Variants in INPP5A observed in about 807,000 individuals in gnomAD.
The protein encoded by INPP5A is 43 kDa inositol polyphosphate 5-phophatase.
A neutral mutation model predicts 65.2 loss-of-function variants in INPP5A; 14 were observed. The ratio of observed to expected loss-of-function variants is 0.21; its 90% confidence interval spans 0.14 to 0.34. The LOEUF (loss-of-function observed/expected upper bound fraction) is 0.34, where lower values mean the gene tolerates loss of function less well. Ranked by LOEUF, INPP5A falls within the 10% of genes least tolerant of loss-of-function variation. The probability of loss-of-function intolerance (pLI) is 1.00; values close to 1 mark genes in which losing one functional copy is unlikely to be tolerated. For missense variants in INPP5A, 431 were observed against 545.6 expected (o/e 0.79, Z 2.09); for synonymous variants, 207 against 208.3 (o/e 0.99, Z 0.05).
At chr10:132,755,577 C>G (rs527981386) in intron 11 of INPP5A, among the ~76,000 whole-genome samples, 68 of 134,284 alleles carry the variant, frequency 5.1e-4, no homozygotes, top group African/African-American at 1.9e-3. Flanking sequence ...CAGGTGTGAG[C>G]GAGTGTGTGT....
chr10:132,649,461 T>A (rs1022200622), intron 3 of INPP5A, among the ~76,000 whole-genome samples: 1 of 152,218 alleles, frequency 6.6e-6, no homozygotes, highest in Non-Finnish European at 1.5e-5. Flanking sequence ...AATGTTACGT[T>A]GTTTAGTGTT....
chr10:132,646,804 G>A (rs990918581), intron 3 of INPP5A, among the ~76,000 whole-genome samples: 10 of 152,158 alleles, frequency 6.6e-5, no homozygotes, highest in East Asian at 1.9e-4. Flanking sequence ...GGCCGACGCC[G>A]CTGCCACACA....
rs1564974880 is a variant in INPP5A at position 132,708,380 on chromosome 10, T to G, written c.527+15T>G. On this transcript the variant is annotated intron_variant, in intron 7 of 15. Transcript: ENST00000368594. ...ATTGCAGACTGGTACGTGGTGTCTGTGCTTTGTCAATTTCCATAACGTTTC... is the reference window on the plus strand; with the variant it reads ...ATTGCAGACTGGTACGTGGTGTCTGGGCTTTGTCAATTTCCATAACGTTTC... 1 of 1,612,554 alleles carries G rather than the reference T, an allele frequency of 6.2e-7. No homozygotes were observed. The highest frequency in any genetic ancestry group is 1.3e-5 in the African/African-American group (1 of 75,032).
intron 9 of INPP5A, among the ~76,000 whole-genome samples, chr10:132,740,788 C>T (rs760268194): frequency 1.3e-5 from 2 of 152,148 alleles, no homozygotes; most frequent in Admixed American, 1.3e-4. Context: ...TTCTTCCTGC[C>T]GTGCCTTTGG....
intron 1 of INPP5A, among the ~76,000 whole-genome samples, chr10:132,569,438 C>T (rs1693348529): frequency 6.6e-6 from 1 of 152,144 alleles, no homozygotes; most frequent in Admixed American, 6.5e-5. Context: ...CTGCAGCCTC[C>T]ACCTCCCTCC....
At position 132,547,070 on chromosome 10, in the gene INPP5A, C is replaced by T. The variant is rs2070984217; in HGVS notation, c.75+8899C>T. ...CCGAGACTTGGCTTTGGCCCAAGTC[C>T]CTGTGGAGAGGAAATCCCGCCTTCA... On this transcript the variant is annotated intron_variant, in intron 1 of 15. Coordinates refer to ENST00000368594, the MANE Select transcript of INPP5A (RefSeq NM_005539.5). This position sits in a 1 kb window ranked among gnomAD's most constrained non-coding sequence, Gnocchi z 5.5. Among the ~76,000 whole-genome samples the T allele has an allele frequency of 6.6e-6, 1 of 152,216 alleles. No homozygotes were observed. The highest frequency in any genetic ancestry group is 6.5e-5 in the Admixed American group (1 of 15,290).
chr10:132,732,796 G>A (rs1485293548), intron 9 of INPP5A, among the ~76,000 whole-genome samples: 1 of 152,152 alleles, frequency 6.6e-6, no homozygotes, highest in African/African-American at 2.4e-5. Flanking sequence ...CCGCAGACAC[G>A]TGCAGGCTCT....
At chr10:132,594,283 A>G (rs1011444600) in intron 1 of INPP5A, among the ~76,000 whole-genome samples, 1 of 152,240 alleles carries the variant, frequency 6.6e-6, no homozygotes, top group African/African-American at 2.4e-5. Flanking sequence ...CTAAAATTAC[A>G]TGCAATAAAA....
intron 9 of INPP5A, among the ~76,000 whole-genome samples, chr10:132,728,516 G>A (rs1477167258): frequency 6.6e-6 from 1 of 152,248 alleles, no homozygotes; most frequent in Non-Finnish European, 1.5e-5. Flanking sequence ...CAAGCCACAG[G>A]GGGCTGGAAG....
At position 132,755,731 on chromosome 10, in the gene INPP5A, C is replaced by G. The variant is rs912950877; in HGVS notation, c.903+5886C>G. 5.3e-5 allele frequency among the ~76,000 whole-genome samples: 8 copies of G among 152,144 alleles called. No individual in the cohort carries two copies. In the South Asian group the frequency reaches 6.2e-4, roughly 12 times the overall value. On this transcript the variant is annotated intron_variant, in intron 11 of 15. Coordinates refer to ENST00000368594, the MANE Select transcript of INPP5A (RefSeq NM_005539.5). ...TTTAGTTAGAAAGTTTAGGCAGACC[C>G]TAGCGGCAGCCGCTGAGGCCTGAGG...
chr10:132,574,598 TTC>T (rs958533164), intron 1 of INPP5A, among the ~76,000 whole-genome samples: 4 of 150,468 alleles, frequency 2.7e-5, no homozygotes, highest in Admixed American at 2.0e-4. Flanking sequence ...GAGGGTGTTT[TTC>T]TCTTTTTTTT....
At chr10:132,605,562 G>A (rs546413882) in intron 1 of INPP5A, among the ~76,000 whole-genome samples, 1 of 152,086 alleles carries the variant, frequency 6.6e-6, no homozygotes, top group East Asian at 1.9e-4. Flanking sequence ...GTGGCACTGA[G>A]GCCAAGGGAG....
At chr10:132,648,641 G>A (rs549280004) in intron 3 of INPP5A, among the ~76,000 whole-genome samples, 1 of 152,304 alleles carries the variant, frequency 6.6e-6, no homozygotes, top group Admixed American at 6.5e-5. Context: ...TGTTTTTGTT[G>A]TAAATAGAAT....
chr10:132,597,544 C>G (rs2071718868), intron 1 of INPP5A, among the ~76,000 whole-genome samples: 1 of 152,214 alleles, frequency 6.6e-6, no homozygotes. Flanking sequence ...TCTTACACAT[C>G]TTCAGGAATG....
chr10:132,627,385 G>T lies in INPP5A; in HGVS notation c.118-18483G>T, dbSNP rs1490963370. Among the ~76,000 whole-genome samples the T allele has an allele frequency of 6.6e-6, 1 of 152,166 alleles. No homozygotes were observed. Among genetic ancestry groups the T allele is most frequent in the African/African-American group, 2.4e-5 (1 of 41,422 alleles). On this transcript the variant is annotated intron_variant, in intron 2 of 15. Coordinates refer to ENST00000368594, the MANE Select transcript of INPP5A (RefSeq NM_005539.5). The surrounding 1 kb of genome is among the most constrained non-coding windows in gnomAD (Gnocchi z 6.6). ...CTGGCTCCACACCTGTCCTGAGAGGGTCTGTCCTGGCCGCTGAGCAGGTGG... is the reference window on the plus strand; with the variant it reads ...CTGGCTCCACACCTGTCCTGAGAGGTTCTGTCCTGGCCGCTGAGCAGGTGG...
In INPP5A at chr10:132,782,553, C is replaced by G. The variant is rs1847185434; in HGVS notation, c.*524C>G. The G allele has an allele frequency of 6.5e-6, 1 of 153,410 alleles. No homozygotes were observed. 9.5% of individuals were successfully genotyped at this position (153,410 alleles called of 1,614,324 possible). A position where few individuals can be genotyped will look rare whatever the true frequency, so the allele number is the denominator to read the frequency against. On this transcript the variant is annotated 3_prime_UTR_variant, in exon 16 of 16. Coordinates refer to ENST00000368594, the MANE Select transcript of INPP5A (RefSeq NM_005539.5). The surrounding 1 kb of genome is among the most constrained non-coding windows in gnomAD (Gnocchi z 4.4). Reference sequence around the variant, plus strand: ...CCGCGGCACTGACTCTGCGCCGTGTCACATGGTTTTTGAATCACACTGCAG... The same window carrying G: ...CCGCGGCACTGACTCTGCGCCGTGTGACATGGTTTTTGAATCACACTGCAG...
intron 3 of INPP5A, among the ~76,000 whole-genome samples, chr10:132,646,893 T>C (rs2072502831): frequency 6.6e-6 from 1 of 151,960 alleles, no homozygotes; most frequent in African/African-American, 2.4e-5. Flanking sequence ...CCACCCGGAG[T>C]CGGGACCTGT....
chr10:132,653,278 G>T, intron 4 of INPP5A, among the ~76,000 whole-genome samples: 1 of 152,200 alleles, frequency 6.6e-6, no homozygotes, highest in African/African-American at 2.4e-5. Context: ...GAGGGCCGCG[G>T]CTGCCTCCAC....
chr10:132,548,424 G>A (rs2071006611), intron 1 of INPP5A, among the ~76,000 whole-genome samples: 1 of 152,166 alleles, frequency 6.6e-6, no homozygotes, highest in African/African-American at 2.4e-5. Flanking sequence ...CTTCTGCCTC[G>A]CACCCGGCCT....
Sources: gnomAD v4.1 joint callset for allele counts (sites outside exome capture counted in the v4.1 genomes callset) on GRCh38, gnomAD v4.1.1 for gene constraint, Gnocchi (gnomAD v3.1) non-coding constraint, MANE v1.5 for transcripts, NCBI Gene and HGNC (gene_info 2026-07-23, HGNC 2026-07-21) for gene names.